Variants in RBM25 observed in about 807,000 individuals in gnomAD.
The protein encoded by RBM25 is RNA binding motif protein 25.
A neutral mutation model predicts 120.7 loss-of-function variants in RBM25; 19 were observed. The observed-to-expected ratio is 0.16, with a 90% CI of 0.11 to 0.23. RBM25 has a LOEUF of 0.23. RBM25 is among the 10% of genes least tolerant of loss of function. RBM25 has a pLI of 1.00. For synonymous variants in RBM25, 390 were observed against 326.7 expected (o/e 1.19, Z -2.09); for missense variants, 605 against 1,041.5 (o/e 0.58, Z 5.77).
chr14:73,060,774 T>G (rs1894985791), intron 1 of RBM25, among the ~76,000 whole-genome samples: 1 of 151,484 alleles, frequency 6.6e-6, no homozygotes, highest in Admixed American at 6.6e-5. Context: ...GCAAGAATAG[T>G]ACAAAAGAAA....
intron 6 of RBM25, among the ~76,000 whole-genome samples, chr14:73,095,093 A>G (rs1260636937): frequency 6.6e-6 from 1 of 151,862 alleles, no homozygotes; most frequent in Non-Finnish European, 1.5e-5. Flanking sequence ...TGACCTCGTC[A>G]TCTGCCCACC....
intron 6 of RBM25, among the ~76,000 whole-genome samples, chr14:73,092,449 C>G (rs1177126657): frequency 6.6e-6 from 1 of 152,038 alleles, no homozygotes; most frequent in African/African-American, 2.4e-5. Context: ...CTTTATTAGG[C>G]ATTTTCCTCT....
intron 4 of RBM25, 60 bp downstream of exon 4, chr14:73,077,596 A>G (rs1173719472): frequency 7.1e-7 from 1 of 1,405,058 alleles, no homozygotes; most frequent in African/African-American, 1.5e-5. Context: ...TTTCAAACTT[A>G]AGCAGAAAGA....
chr14:73,098,556 T>C lies in RBM25; in HGVS notation c.730-824T>C, dbSNP rs372559608. 1.4e-4 allele frequency among the ~76,000 whole-genome samples: 22 copies of C among 152,358 alleles called. No individual in the cohort carries two copies. The East Asian group carries it at 3.9e-3, about 27-fold the overall frequency. ...AATTTCAGTGCCTTTTTAGGCCATATTCAGTTTTCTTTGTGGCCAGATACA... is the reference window on the plus strand; with the variant it reads ...AATTTCAGTGCCTTTTTAGGCCATACTCAGTTTTCTTTGTGGCCAGATACA... On this transcript the variant is annotated intron_variant, in intron 7 of 18. Coordinates refer to ENST00000261973, the MANE Select transcript of RBM25 (RefSeq NM_021239.3).
chr14:73,103,221 AAAAG>A lies in RBM25; in HGVS notation c.903_906del (p.Glu301AspfsTer195). ...TGGAAGAAGAGAAAGGCAAAAAGGA[AAAAG>A]AAAGACAGGAAATTGAGAAAGAACG... On this transcript the variant is annotated frameshift_variant, in exon 10 of 19. Transcript: ENST00000261973. LOFTEE classifies it high-confidence loss of function. 1 of 1,610,672 alleles carries A rather than the reference AAAAG, an allele frequency of 6.2e-7. No homozygotes were observed. Among genetic ancestry groups the A allele is most frequent in the Non-Finnish European group, 8.5e-7 (1 of 1,179,034 alleles).
chr14:73,069,250 G>A (rs527626578), intron 1 of RBM25, among the ~76,000 whole-genome samples: 1 of 152,160 alleles, frequency 6.6e-6, no homozygotes, highest in East Asian at 1.9e-4. Context: ...CAATTATAAC[G>A]AGGGAGAAAT....
chr14:73,064,458 G>A (rs1475926312), intron 1 of RBM25, among the ~76,000 whole-genome samples: 3 of 151,032 alleles, frequency 2.0e-5, no homozygotes, highest in African/African-American at 4.8e-5. Flanking sequence ...GCAGTGGCGC[G>A]GTCCCAGCTC....
At chr14:73,060,550 A>G (rs1293898910) in intron 1 of RBM25, among the ~76,000 whole-genome samples, 1 of 151,528 alleles carries the variant, frequency 6.6e-6, no homozygotes, top group Non-Finnish European at 1.5e-5. Context: ...TTGCTAAAAC[A>G]GTCTGTATTT....
intron 10 of RBM25, among the ~76,000 whole-genome samples, 161 bp downstream of exon 10, chr14:73,103,639 GCCT>G (rs1190254324): frequency 6.6e-6 from 1 of 152,022 alleles, no homozygotes; most frequent in Non-Finnish European, 1.5e-5. Flanking sequence ...AGCAATCTCC[GCCT>G]CCTGGGTTCA....
intron 6 of RBM25, among the ~76,000 whole-genome samples, chr14:73,093,292 A>T (rs1895858363): frequency 6.6e-6 from 1 of 152,212 alleles, no homozygotes; most frequent in Admixed American, 6.5e-5. Flanking sequence ...TAAATTTTTT[A>T]AAAGGTTCGT....
At position 73,087,943 on chromosome 14, in the gene RBM25, A is replaced by AT. The variant is rs372968008; in HGVS notation, c.383-50dup. ...ACTCTAGTGATTCTACTTTTCCATAATTTTTTTTCTTTTGTAAGTGAATTG... is the reference window on the plus strand; with the variant it reads ...ACTCTAGTGATTCTACTTTTCCATAATTTTTTTTTCTTTTGTAAGTGAATTG... On this transcript the variant is annotated intron_variant, in intron 5 of 18. Transcript: ENST00000261973. 1.2e-5 allele frequency: 18 copies of AT among 1,543,498 alleles called. No individual in the cohort carries two copies. In the African/African-American group the frequency reaches 1.4e-4, roughly 12 times the overall value.
chr14:73,090,607 G>T (rs1303555254), intron 6 of RBM25, among the ~76,000 whole-genome samples: 1 of 152,144 alleles, frequency 6.6e-6, no homozygotes, highest in Non-Finnish European at 1.5e-5. Context: ...TAAGTCCTCT[G>T]TTCCCATATA....
At chr14:73,077,985 C>T (rs952125903) in intron 4 of RBM25, among the ~76,000 whole-genome samples, 3 of 151,826 alleles carry the variant, frequency 2.0e-5, no homozygotes, top group South Asian at 2.1e-4. Flanking sequence ...GGCAACATAT[C>T]GAGACACATC....
chr14:73,074,051 G>T (rs1490590498), intron 2 of RBM25, among the ~76,000 whole-genome samples: 1 of 152,070 alleles, frequency 6.6e-6, no homozygotes, highest in Non-Finnish European at 1.5e-5. Flanking sequence ...AGAAAATGTT[G>T]CAGAAAACTG....
At chr14:73,080,636 T>C (rs1192810237) in intron 4 of RBM25, among the ~76,000 whole-genome samples, 1 of 152,166 alleles carries the variant, frequency 6.6e-6, no homozygotes, top group East Asian at 1.9e-4. Context: ...ATTTTGATAT[T>C]ATCTGTTGAC....
chr14:73,061,048 G>A (rs577634290), intron 1 of RBM25, among the ~76,000 whole-genome samples: 1 of 150,568 alleles, frequency 6.6e-6, no homozygotes, highest in South Asian at 2.1e-4. Context: ...TTCTGAGTTG[G>A]TGTACTTTTT....
chr14:73,058,552 C>G lies in RBM25; in HGVS notation c.-169C>G, dbSNP rs1566576906. 6.6e-6 allele frequency: 1 copy of G among 152,232 alleles called. No homozygotes were observed. The highest frequency in any genetic ancestry group is 1.5e-5 in the Non-Finnish European group (1 of 68,066). 9.4% of individuals were successfully genotyped at this position (152,232 alleles called of 1,614,324 possible). A position where few individuals can be genotyped will look rare whatever the true frequency, so the allele number is the denominator to read the frequency against. On this transcript the variant is annotated 5_prime_UTR_variant, in exon 1 of 19. Transcript: ENST00000261973. ...AAGAGGAAGACCTCCATCAGCTCGC[C>G]GCGCAGCGCGGCTGTATTTGCGGCC... is the stretch of plus-strand genomic sequence containing the variant.
rs1267579804 is a variant in RBM25 at position 73,122,457 on chromosome 14, G to C, written c.*2652G>C. On this transcript the variant is annotated 3_prime_UTR_variant, in exon 19 of 19. Coordinates refer to ENST00000261973, the MANE Select transcript of RBM25 (RefSeq NM_021239.3). ...ACCTGGCTAATTTTTTGTATTTTTA[G>C]TAGAGACAGGATTTCACCTTGTTGG... 1 of 151,908 alleles carries C rather than the reference G, an allele frequency of 6.6e-6. No individual in the cohort carries two copies. Among genetic ancestry groups the C allele is most frequent in the Non-Finnish European group, 1.5e-5 (1 of 68,016 alleles). 9.4% of individuals were successfully genotyped at this position (151,908 alleles called of 1,614,324 possible). A position where few individuals can be genotyped will look rare whatever the true frequency, so the allele number is the denominator to read the frequency against.
intron 18 of RBM25, among the ~76,000 whole-genome samples, chr14:73,115,538 G>A (rs1161849802): frequency 6.6e-6 from 1 of 152,168 alleles, no homozygotes; most frequent in African/African-American, 2.4e-5. Context: ...GTACATATGT[G>A]CTGCTTTTTG....
Sources: allele counts gnomAD v4.1 joint callset (sites outside exome capture counted in the v4.1 genomes callset), GRCh38; gene constraint gnomAD v4.1.1; transcripts MANE v1.5; gene names NCBI Gene and HGNC (gene_info 2026-07-23, HGNC 2026-07-21).